Variants in TET3 observed in about 807,000 individuals in gnomAD.
TET3 encodes the protein tet methylcytosine dioxygenase 3.
In TET3, 19 loss-of-function variants were observed where a neutral mutation model predicts 141.4. That is an observed-to-expected ratio of 0.13 (90% confidence interval 0.09 to 0.20). The LOEUF is 0.20. Ranked by LOEUF, TET3 falls within the 10% of genes least tolerant of loss-of-function variation. The pLI, the probability that TET3 is intolerant of heterozygous loss-of-function variation, is 1.00. For missense variants in TET3, 1,874 were observed against 2,356.9 expected, an observed-to-expected ratio of 0.80 and a Z score of 4.24; for synonymous variants, 1,043 against 980.9, an observed-to-expected ratio of 1.06 and a Z score of -1.18.
At chr2:74,115,338 A>G in the TET3 span, among the ~76,000 whole-genome samples, 1 of 152,332 alleles carries the variant, frequency 6.6e-6, no homozygotes, top group Non-Finnish European at 1.5e-5. Context: ...CAAATACCAC[A>G]TGTTCTCACT....
intron 3 of TET3, among the ~76,000 whole-genome samples, chr2:74,016,502 A>C (rs1001006979): frequency 6.6e-6 from 1 of 151,980 alleles, no homozygotes; most frequent in Non-Finnish European, 1.5e-5. Flanking sequence ...CAGGAGGATC[A>C]CTTGAGGTCA....
intron 4 of TET3, among the ~76,000 whole-genome samples, chr2:74,049,863 G>T (rs1256033982): frequency 6.6e-6 from 1 of 152,074 alleles, no homozygotes; most frequent in East Asian, 1.9e-4. Flanking sequence ...CAGATATGCT[G>T]CCAGGCACTC....
rs756171707 is a variant in TET3, at chr2:74,048,035, G to A, written c.2118G>A (p.Lys706=). 1.4e-5 allele frequency: 22 copies of A among 1,610,562 alleles called. No individual in the cohort carries two copies. Among genetic ancestry groups the A allele is most frequent in the Middle Eastern group, 3.3e-4 (2 of 6,040 alleles). Reference sequence around the variant, plus strand: ...GCCCTCTTCCCCCTGCCGATGACAAGCTGGAAGAGCTCATCCGGCAGTTTG... The same window carrying A: ...GCCCTCTTCCCCCTGCCGATGACAAACTGGAAGAGCTCATCCGGCAGTTTG... ...STGPLPPADD[K]LEELIRQFEA... Residue 706 remains lysine (K), a synonymous_variant, in exon 4 of 12, where the codon AAG becomes AAA. Coordinates refer to ENST00000409262, the MANE Select transcript of TET3 (RefSeq NM_001287491.2).
At chr2:74,012,608 A>G (rs1011329283) in intron 3 of TET3, among the ~76,000 whole-genome samples, 3 of 152,210 alleles carry the variant, frequency 2.0e-5, no homozygotes, top group African/African-American at 7.2e-5. Context: ...GATATCTGAC[A>G]TTAGAGCTGA....
In TET3 at chr2:74,093,095, G is replaced by A. The variant is rs963140445; in HGVS notation, c.3129+104G>A. 16 of 1,063,038 alleles carry A rather than the reference G, an allele frequency of 1.5e-5. No individual in the cohort carries two copies. The highest frequency in any genetic ancestry group is 1.8e-5 in the Non-Finnish European group (13 of 718,506). 65.9% of individuals were successfully genotyped at this position (1,063,038 alleles called of 1,614,324 possible). On this transcript the variant is annotated intron_variant, in intron 9 of 11. Transcript: ENST00000409262. This position sits in a 1 kb window ranked among gnomAD's most constrained non-coding sequence, Gnocchi z 4.2. ...GAGTGGGCTCTTTTACTCTCTTATG[G>A]GAAGAGCCTAGTCCAGAAGTAAAGC...
intron 3 of TET3, among the ~76,000 whole-genome samples, chr2:74,029,654 T>A: frequency 6.6e-6 from 1 of 152,176 alleles, no homozygotes; most frequent in Admixed American, 6.5e-5. Flanking sequence ...AGTGGGAGAT[T>A]TTTACATCTT....
At chr2:74,057,576 C>A (rs1029542096) in intron 4 of TET3, among the ~76,000 whole-genome samples, 4 of 152,218 alleles carry the variant, frequency 2.6e-5, no homozygotes, top group Non-Finnish European at 5.9e-5. Flanking sequence ...AGACCAGTGG[C>A]TTTCAATTGG....
rs1341540232 is a variant in TET3 at position 74,093,125 on chromosome 2, T to C, written c.3129+134T>C. 1.7e-5 allele frequency: 14 copies of C among 836,456 alleles called. No individual in the cohort carries two copies. The highest frequency in any genetic ancestry group is 2.6e-5 in the Non-Finnish European group (14 of 530,950). 51.8% of individuals were successfully genotyped at this position (836,456 alleles called of 1,614,324 possible). On this transcript the variant is annotated intron_variant, in intron 9 of 11. Coordinates refer to ENST00000409262, the MANE Select transcript of TET3 (RefSeq NM_001287491.2). The surrounding 1 kb of genome is among the most constrained non-coding windows in gnomAD (Gnocchi z 4.2). ...AGCCTAGTCCAGAAGTAAAGCGATA[T>C]GATGTGGTTCTTTGATAAAAACCCC... is the stretch of plus-strand genomic sequence containing the variant.
chr2:74,124,928 TAAAAAA>T, the TET3 span, among the ~76,000 whole-genome samples: 2 of 55,252 alleles, frequency 3.6e-5, no homozygotes, highest in African/African-American at 1.1e-4. Flanking sequence ...CAATAAATAC[TAAAAAA>T]AAAAAAGAAA....
intron 4 of TET3, among the ~76,000 whole-genome samples, chr2:74,051,794 G>A (rs1047051568): frequency 3.3e-5 from 5 of 152,180 alleles, no homozygotes; most frequent in African/African-American, 1.2e-4. Flanking sequence ...ACAAACTAGT[G>A]AAAGTGAGAT....
At chr2:74,127,051 C>T in the TET3 span, among the ~76,000 whole-genome samples, 1 of 152,136 alleles carries the variant, frequency 6.6e-6, no homozygotes, top group Non-Finnish European at 1.5e-5. Flanking sequence ...AGAGAAGCAG[C>T]TGTAACTGGG....
chr2:74,038,198 T>G (rs1180983277), intron 3 of TET3, among the ~76,000 whole-genome samples: 2 of 152,174 alleles, frequency 1.3e-5, no homozygotes. Context: ...GTGGGAAATG[T>G]GACTGGGGTT....
At chr2:74,065,362 T>A (rs1688823373) in intron 4 of TET3, among the ~76,000 whole-genome samples, 2 of 152,232 alleles carry the variant, frequency 1.3e-5, no homozygotes, top group African/African-American at 4.8e-5. Context: ...CTTGCTCAGA[T>A]TGTCCCAAAT....
At chr2:74,124,224 C>G in the TET3 span, among the ~76,000 whole-genome samples, 1 of 137,992 alleles carries the variant, frequency 7.2e-6, no homozygotes, top group Non-Finnish European at 1.6e-5. Flanking sequence ...GTGGGGGGGT[C>G]AGCCCCCGCC....
intron 4 of TET3, among the ~76,000 whole-genome samples, chr2:74,054,135 C>T (rs758799014): frequency 2.0e-5 from 3 of 151,822 alleles, no homozygotes; most frequent in Non-Finnish European, 2.9e-5. Context: ...GCGGGTGTGA[C>T]GGGTGTGGAG....
Position 74,093,549 on chromosome 2 carries a change from G to T in TET3, c.3150G>T (p.Ala1050=). The T allele has an allele frequency of 6.2e-7, 1 of 1,612,166 alleles. No homozygotes were observed. The highest frequency in any genetic ancestry group is 8.5e-7 in the Non-Finnish European group (1 of 1,178,894). The change falls in exon 10 of 12, where the codon GCG becomes GCT. Residue 1050 remains alanine, a synonymous_variant. Coordinates refer to ENST00000409262, the MANE Select transcript of TET3 (RefSeq NM_001287491.2). The surrounding 1 kb of genome is among the most constrained non-coding windows in gnomAD (Gnocchi z 4.2). The stretch of plus-strand genomic sequence containing the variant: ...CACAGGTGACCAACGAGGAAATAGC[G>T]ATTGACTGCCGTCTGGGGCTGAAGG... ...YQNQVTNEEI[A]IDCRLGLKEG... is the part of the protein sequence containing the mutation.
intron 2 of TET3, chr2:74,002,670 G>C: frequency 2.5e-6 from 1 of 407,264 alleles, no homozygotes; most frequent in East Asian, 3.7e-5. Context: ...TCGCACACCA[G>C]CCCCGCGGCG....
intron 3 of TET3, among the ~76,000 whole-genome samples, chr2:74,017,688 G>C (rs1022094404): frequency 6.6e-6 from 1 of 152,038 alleles, no homozygotes; most frequent in Non-Finnish European, 1.5e-5. Flanking sequence ...CAATACTGCC[G>C]CAGTAAACAT....
intron 5 of TET3, among the ~76,000 whole-genome samples, chr2:74,079,902 T>G (rs192834505): frequency 6.6e-6 from 1 of 152,276 alleles, no homozygotes; most frequent in African/African-American, 2.4e-5. Flanking sequence ...GCTGGGGTTC[T>G]GAAGCCCTGA....
Sources: allele counts gnomAD v4.1 joint callset (sites outside exome capture counted in the v4.1 genomes callset), GRCh38; gene constraint gnomAD v4.1.1; non-coding constraint Gnocchi (gnomAD v3.1); transcripts MANE v1.5; gene names NCBI Gene and HGNC (gene_info 2026-07-23, HGNC 2026-07-21).